The following LPCAT4 variants were observed in gnomAD, a reference collection of about 807,000 sequenced individuals.
LPCAT4 encodes the protein lysophospholipid acyltransferase LPCAT4.
In LPCAT4, 30 loss-of-function variants were observed where a neutral mutation model predicts 66.5. The ratio of observed to expected loss-of-function variants is 0.45; its 90% confidence interval spans 0.34 to 0.61. LPCAT4 has a LOEUF of 0.61. Among genes scored for constraint, LPCAT4 ranks in the 20% least tolerant of loss-of-function variants. LPCAT4 has a pLI of 0.01. For synonymous variants in LPCAT4, 253 were observed against 262.1 expected, an observed-to-expected ratio of 0.97 and a Z score of 0.34; for missense variants, 557 against 656.7, an observed-to-expected ratio of 0.85 and a Z score of 1.66.
In LPCAT4 at chr15:34,362,521, G is replaced by A. The variant is rs868728531; in HGVS notation, c.884+52C>T. The stretch of plus-strand genomic sequence containing the variant: ...AACCTCGCCCCCTCCACGCCCCTGT[G>A]GTTCCTTTGCCCTGTGCAACTGCTC... On this transcript the variant is annotated intron_variant, in intron 9 of 13. Transcript: ENST00000314891. The A allele has an allele frequency of 2.1e-5, 32 of 1,503,680 alleles. No individual in the cohort carries two copies. In the Middle Eastern group the frequency reaches 5.5e-4, roughly 26 times the overall value. The allele number at this position is 1,503,680 out of a possible 1,614,324, so 93.1% of individuals were successfully genotyped here.
At chr15:34,364,803 G>T in intron 3 of LPCAT4, 1 of 564,794 alleles carries the variant, frequency 1.8e-6, no homozygotes, top group Non-Finnish European at 3.2e-6. Flanking sequence ...TCCTTTTAGA[G>T]AACTGACCAG....
Position 34,362,296 on chromosome 15 carries a change from A to T in LPCAT4, c.910T>A (p.Cys304Ser), listed in dbSNP as rs1478461906. 1.2e-6 allele frequency: 2 copies of T among 1,614,082 alleles called. No individual in the cohort carries two copies. Among genetic ancestry groups the T allele is most frequent in the Non-Finnish European group, 1.7e-6 (2 of 1,180,016 alleles). The change falls in exon 10 of 14, where the codon TGT (cysteine) becomes AGT (serine). Residue 304 changes from cysteine (C) to serine (S), a missense_variant. Transcript: ENST00000314891. ...ACAGGTAAGCTCCCTACAAACTCAC[A>T]TTCGGTGGCTGGAATGCCCAGAGCC... The part of the protein sequence containing the change: ...AQALGIPATE[C>S]EFVGSLPVIV...
intron 3 of LPCAT4, 135 bp downstream of exon 3, chr15:34,364,873 T>C (rs1030113470): frequency 4.4e-6 from 3 of 685,542 alleles, no homozygotes; most frequent in Admixed American, 5.8e-5. Context: ...GGTTGACTAA[T>C]GGTGTTAATT....
rs774067528 is a variant in LPCAT4 at position 34,361,504 on chromosome 15, C to A, written c.1039G>T (p.Ala347Ser). The A allele has an allele frequency of 5.0e-6, 8 of 1,613,948 alleles. No homozygotes were observed. The highest frequency in any genetic ancestry group is 1.3e-5 in the African/African-American group (1 of 75,046). ...GLSAGYVDAG[A>S]EPGRSRMISQ... is the part of the protein sequence containing the mutation. The stretch of plus-strand genomic sequence containing the variant: ...ATCATTCGACTCCGGCCTGGCTCTG[C>A]CCCAGCGTCCACATAGCCAGCGGAC... The change falls in exon 11 of 14, where the codon GCA (alanine) becomes TCA (serine). Residue 347 changes from alanine to serine, a missense_variant. Around this residue, in one of 4 missense-constraint regions of LPCAT4, gnomAD observed 392 missense variants for 473.9 expected, o/e 0.83. Transcript: ENST00000314891.
In LPCAT4 at chr15:34,365,717, G is replaced by A. The variant is rs1891060929; in HGVS notation, c.115-16C>T. On this transcript the variant is annotated splice_polypyrimidine_tract_variant and intron_variant, in intron 1 of 13. Coordinates refer to ENST00000314891, the MANE Select transcript of LPCAT4 (RefSeq NM_153613.3). ...GGAGGCAGAACTGCAAAGGGTGGGA[G>A]AGAATGCCACTTTAGAGCTTGGATA... 1.2e-6 allele frequency: 2 copies of A among 1,612,776 alleles called. No homozygotes were observed. The highest frequency in any genetic ancestry group is 2.7e-5 in the African/African-American group (2 of 74,910).
chr15:34,365,431 G>T, intron 2 of LPCAT4, 128 bp downstream of exon 2: 2 of 1,348,748 alleles, frequency 1.5e-6, no homozygotes, highest in Non-Finnish European at 2.0e-6. Flanking sequence ...GAGCTTGGCT[G>T]ACTCATCTCA....
intron 12 of LPCAT4, 98 bp from the exon 13 acceptor site, chr15:34,359,843 G>T: frequency 7.5e-7 from 1 of 1,326,964 alleles, no homozygotes; most frequent in Non-Finnish European, 1.0e-6. Flanking sequence ...CTTCCAAAAG[G>T]GTGGTGCACA....
chr15:34,359,469 T>G (rs1890889223), intron 13 of LPCAT4, 120 bp downstream of exon 13: 1 of 1,382,154 alleles, frequency 7.2e-7, no homozygotes, highest in Admixed American at 2.7e-5. Context: ...CAGCCTTACT[T>G]CTCATAGGTT....
At chr15:34,365,307 T>C in intron 2 of LPCAT4, 79 bp from the exon 3 acceptor site, 3 of 1,422,322 alleles carry the variant, frequency 2.1e-6, no homozygotes, top group Non-Finnish European at 2.9e-6. Context: ...ACCGGGAAAG[T>C]AGGGCACCCC....
rs751335948 is a variant in LPCAT4 at position 34,363,684 on chromosome 15, G to C, written c.688C>G (p.Leu230Val). ...ACCAGACTGTTGGGGTAGCGGATGA[G>C]GACAGGCTGCACAGGCACCCCTGCG... ...FIAGVPVQPVLIRYPNSLDTT... is the reference protein window; with the variant it reads ...FIAGVPVQPVVIRYPNSLDTT... The change falls in exon 6 of 14, where the codon CTC (leucine) becomes GTC (valine). Residue 230 changes from leucine (L) to valine (V), a missense_variant. Physicochemically the swap from Leu to Val is conservative, Grantham distance 32. This residue lies in a region of LPCAT4 where 392 missense variants were observed against 473.9 expected (regional missense o/e 0.83). Coordinates refer to ENST00000314891, the MANE Select transcript of LPCAT4 (RefSeq NM_153613.3). The surrounding 1 kb of genome is among the most constrained non-coding windows in gnomAD (Gnocchi z 4.3). The C allele has an allele frequency of 6.2e-7, 1 of 1,614,148 alleles. No individual in the cohort carries two copies. The highest frequency in any genetic ancestry group is 1.1e-5 in the South Asian group (1 of 91,076).
At chr15:34,365,892 G>T in intron 1 of LPCAT4, 191 bp from the exon 2 acceptor site, 1 of 612,958 alleles carries the variant, frequency 1.6e-6, no homozygotes, top group East Asian at 2.8e-5. Context: ...GAGGATAAAA[G>T]ATTAATGGCA....
rs59218958 is a variant in LPCAT4, at chr15:34,364,590, A to ATTTT, written c.479-288_479-285dup. 6.6e-3 allele frequency: 1,023 copies of ATTTT among 155,848 alleles called. 9 individuals are homozygous for ATTTT. The highest frequency in any genetic ancestry group is 0.02 in the African/African-American group (697 of 35,394). The allele number at this position is 155,848 out of a possible 1,614,324, so 9.7% of individuals were successfully genotyped here. ...AAGCATGGGCCACCACGCCCGGCTA[A>ATTTT]TTTTTTTTTTTTTTTTACGCCCGGC... On this transcript the variant is annotated intron_variant, in intron 3 of 13. Coordinates refer to ENST00000314891, the MANE Select transcript of LPCAT4 (RefSeq NM_153613.3).
At position 34,359,646 on chromosome 15, in the gene LPCAT4, C is replaced by G. The variant is rs771175503; in HGVS notation, c.1342G>C (p.Ala448Pro). The stretch of plus-strand genomic sequence containing the variant: ...CACAGCTCAGCATGCAAAGCTGTGG[C>G]AGCAGGGTGGGGTGAACCCAGCAGC... The part of the protein sequence containing the change: ...HLLLGSPHPA[A>P]TALHAELCQA... The change falls in exon 13 of 14, where the codon GCC (alanine) becomes CCC (proline). Residue 448 changes from alanine to proline, a missense_variant. Around this residue, in one of 4 missense-constraint regions of LPCAT4, gnomAD observed 392 missense variants for 473.9 expected, o/e 0.83. Transcript: ENST00000314891. 1.2e-6 allele frequency: 2 copies of G among 1,613,550 alleles called. No individual in the cohort carries two copies. Among genetic ancestry groups the G allele is most frequent in the Admixed American group, 3.3e-5 (2 of 60,008 alleles).
At chr15:34,362,863 A>T in intron 7 of LPCAT4, 27 bp from the exon 8 acceptor site, 1 of 1,610,862 alleles carries the variant, frequency 6.2e-7, no homozygotes, top group Non-Finnish European at 8.5e-7. Context: ...TTCGATACTC[A>T]CCAATCTCTA....
intron 3 of LPCAT4, 103 bp from the exon 4 acceptor site, chr15:34,364,409 C>CTAT: frequency 1.7e-6 from 1 of 600,674 alleles, no homozygotes; most frequent in Non-Finnish European, 2.8e-6. Context: ...TTTCTGTTAT[C>CTAT]TCTTTTTTTT....
At chr15:34,365,335 G>T in intron 2 of LPCAT4, 107 bp from the exon 3 acceptor site, 1 of 1,285,470 alleles carries the variant, frequency 7.8e-7, no homozygotes, top group Non-Finnish European at 1.1e-6. Flanking sequence ...CCCTTAAATA[G>T]GATGTGACCA....
Position 34,358,805 on chromosome 15 carries a change from C to T in LPCAT4, c.*322G>A, listed in dbSNP as rs1890870452. The T allele has an allele frequency of 6.4e-6, 1 of 155,784 alleles. No individual in the cohort carries two copies. Among genetic ancestry groups the T allele is most frequent in the Non-Finnish European group, 1.4e-5 (1 of 70,448 alleles). The allele number at this position is 155,784 out of a possible 1,614,324, so 9.7% of individuals were successfully genotyped here. A position where few individuals can be genotyped will look rare whatever the true frequency, so the allele number is the denominator to read the frequency against. Reference sequence around the variant, plus strand: ...TGTCCGAAGAGGAAGATTCATCCAGCTATGGCCAAGAGGACGAACCTTGGA... The same window carrying T: ...TGTCCGAAGAGGAAGATTCATCCAGTTATGGCCAAGAGGACGAACCTTGGA... On this transcript the variant is annotated 3_prime_UTR_variant, in exon 14 of 14. Transcript: ENST00000314891.
intron 2 of LPCAT4, 128 bp from the exon 3 acceptor site, chr15:34,365,356 G>A: frequency 1.7e-6 from 2 of 1,194,912 alleles, no homozygotes; most frequent in Middle Eastern, 2.8e-4. Context: ...AGGGGCCAAG[G>A]TCTCTGGCCA....
chr15:34,362,936 G>A, intron 7 of LPCAT4, 100 bp from the exon 8 acceptor site: 1 of 1,208,154 alleles, frequency 8.3e-7, no homozygotes, highest in Non-Finnish European at 1.2e-6. Context: ...GTGGGGAGTG[G>A]GAAAAGTTCT....
Sources: allele counts gnomAD v4.1 joint callset, GRCh38; gene constraint gnomAD v4.1.1; regional missense constraint gnomAD v4.1.1; non-coding constraint Gnocchi (gnomAD v3.1); transcripts MANE v1.5; gene names NCBI Gene and HGNC (gene_info 2026-07-23, HGNC 2026-07-21).